PROK1: variants seen among roughly 807,000 people sequenced by gnomAD.
The protein encoded by PROK1 is prokineticin-1.
A neutral mutation model predicts 8.8 loss-of-function variants in PROK1; 10 were observed. The observed-to-expected ratio is 1.13, with a 90% CI of 0.70 to 1.92. The LOEUF (loss-of-function observed/expected upper bound fraction) is 1.92, where lower values mean the gene tolerates loss of function less well. Among genes scored for constraint, PROK1 ranks in the 30% most tolerant of loss-of-function variants. The probability of loss-of-function intolerance (pLI) is 0.00; values close to 1 mark genes in which losing one functional copy is unlikely to be tolerated. For synonymous variants in PROK1, 57 were observed against 56.0 expected (o/e 1.02, Z -0.08); for missense variants, 140 against 139.7 (o/e 1.00, Z -0.01).
chr1:110,454,391 C>T (rs1664138092), intron 2 of PROK1, among the ~76,000 whole-genome samples: 1 of 152,218 alleles, frequency 6.6e-6, no homozygotes, highest in South Asian at 2.1e-4. Context: ...TTGTACAGGG[C>T]CTGACATAAT....
intron 1 of PROK1, among the ~76,000 whole-genome samples, chr1:110,453,748 T>C (rs544060816): frequency 1.3e-5 from 2 of 152,290 alleles, no homozygotes; most frequent in South Asian, 2.1e-4. Flanking sequence ...TTTCCTCAGA[T>C]CCAGATCCAA....
At chr1:110,454,668 C>T (rs577396699) in intron 2 of PROK1, among the ~76,000 whole-genome samples, 33 of 152,342 alleles carry the variant, frequency 2.2e-4, no homozygotes, top group Non-Finnish European at 3.8e-4. Flanking sequence ...GGCTGTTAAA[C>T]AAGCTGGGCA....
chr1:110,451,909 ATCCAG>A (rs1664093324), intron 1 of PROK1, among the ~76,000 whole-genome samples: 1 of 152,204 alleles, frequency 6.6e-6, no homozygotes, highest in Non-Finnish European at 1.5e-5. Context: ...ACAAGTAGAT[ATCCAG>A]TCTCGAAGCA....
intron 1 of PROK1, among the ~76,000 whole-genome samples, chr1:110,451,525 G>A (rs1006736232): frequency 6.6e-6 from 1 of 152,194 alleles, no homozygotes; most frequent in African/African-American, 2.4e-5. Context: ...TGTTTTCAAT[G>A]TGTTAGCAGA....
At chr1:110,454,134 G>C in intron 2 of PROK1, 48 bp downstream of exon 2, 1 of 1,596,578 alleles carries the variant, frequency 6.3e-7, no homozygotes, top group South Asian at 1.1e-5. Context: ...TGGGCCATGC[G>C]GGGAGCAGAG....
rs537499735 is a variant in PROK1, at chr1:110,456,947, C to T, written c.*596C>T. The stretch of plus-strand genomic sequence containing the variant: ...GTGTAGGGAGCCCAGGGAGGCCAAT[C>T]AGCCCCCTGAAGACTCTGGTCCCAG... On this transcript the variant is annotated 3_prime_UTR_variant, in exon 3 of 3. Coordinates refer to ENST00000271331, the MANE Select transcript of PROK1 (RefSeq NM_032414.3). 6.0e-6 allele frequency: 1 copy of T among 166,042 alleles called. No homozygotes were observed. Among genetic ancestry groups the T allele is most frequent in the South Asian group, 1.6e-4 (1 of 6,260 alleles). 10.3% of individuals were successfully genotyped at this position (166,042 alleles called of 1,614,324 possible).
intron 1 of PROK1, among the ~76,000 whole-genome samples, chr1:110,453,123 G>A (rs1023154090): frequency 1.3e-5 from 2 of 152,200 alleles, no homozygotes; most frequent in African/African-American, 4.8e-5. Context: ...TTGGAGAAGA[G>A]TGATCCAAAA....
At chr1:110,455,709 A>G (rs1664161748) in intron 2 of PROK1, among the ~76,000 whole-genome samples, 1 of 152,236 alleles carries the variant, frequency 6.6e-6, no homozygotes. Context: ...TTTGCTGATT[A>G]TCACACAGCT....
chr1:110,451,404 A>G, intron 1 of PROK1, 116 bp downstream of exon 1: 1 of 868,880 alleles, frequency 1.2e-6, no homozygotes, highest in Non-Finnish European at 1.9e-6. Context: ...GTGTGAACCA[A>G]AGGGAATGGG....
At position 110,456,386 on chromosome 1, in the gene PROK1, T is replaced by G. The variant is rs375792638; in HGVS notation, c.*35T>G. 121 of 1,612,700 alleles carry G rather than the reference T, an allele frequency of 7.5e-5. No homozygotes were observed. In the African/African-American group the frequency reaches 1.5e-3, roughly 21 times the overall value. The stretch of plus-strand genomic sequence containing the variant: ...TGGTCTCAGGATACCCACCATCCTT[T>G]TCCTGAGCACAGCCTGGATTTTTAT... On this transcript the variant is annotated 3_prime_UTR_variant, in exon 3 of 3. Coordinates refer to ENST00000271331, the MANE Select transcript of PROK1 (RefSeq NM_032414.3).
chr1:110,456,159 G>T, intron 2 of PROK1, 73 bp from the exon 3 acceptor site: 1 of 1,562,894 alleles, frequency 6.4e-7, no homozygotes, highest in Admixed American at 1.7e-5. Context: ...CCAGTGCTGG[G>T]CTGAGCAGAG....
At chr1:110,454,142 G>C in intron 2 of PROK1, 56 bp downstream of exon 2, 1 of 1,592,776 alleles carries the variant, frequency 6.3e-7, no homozygotes, top group Admixed American at 1.7e-5. Flanking sequence ...GCGGGGAGCA[G>C]AGGGTGATGT....
chr1:110,453,206 C>T (rs1438340644), intron 1 of PROK1, among the ~76,000 whole-genome samples: 1 of 152,244 alleles, frequency 6.6e-6, no homozygotes, highest in Non-Finnish European at 1.5e-5. Flanking sequence ...GCTTCTTCAG[C>T]AGGTCCCCAC....
chr1:110,456,614 A>G lies in PROK1; in HGVS notation c.*263A>G, dbSNP rs1664177634. 1 of 503,122 alleles carries G rather than the reference A, an allele frequency of 2.0e-6. No individual in the cohort carries two copies. Among genetic ancestry groups the G allele is most frequent in the African/African-American group, 1.9e-5 (1 of 51,598 alleles). The allele number at this position is 503,122 out of a possible 1,614,324, so 31.2% of individuals were successfully genotyped here. A position where few individuals can be genotyped will look rare whatever the true frequency, so the allele number is the denominator to read the frequency against. On this transcript the variant is annotated 3_prime_UTR_variant, in exon 3 of 3. Coordinates refer to ENST00000271331, the MANE Select transcript of PROK1 (RefSeq NM_032414.3). ...GGTTCTCTTCCCTGCTCAGGCTGCC[A>G]GAGAGGTGGTAAATGGCAGAAAGGA... is the stretch of plus-strand genomic sequence containing the variant.
chr1:110,454,227 A>C (rs969545869), intron 2 of PROK1, 141 bp downstream of exon 2: 2 of 1,123,590 alleles, frequency 1.8e-6, no homozygotes, highest in Non-Finnish European at 2.5e-6. Flanking sequence ...CTGTGGCTCC[A>C]GAGGACTTCA....
chr1:110,453,124 T>C (rs1434190902), intron 1 of PROK1, among the ~76,000 whole-genome samples: 1 of 151,996 alleles, frequency 6.6e-6, no homozygotes, highest in African/African-American at 2.4e-5. Context: ...TGGAGAAGAG[T>C]GATCCAAAAC....
chr1:110,455,871 C>A (rs1171796756), intron 2 of PROK1, among the ~76,000 whole-genome samples: 1 of 152,192 alleles, frequency 6.6e-6, no homozygotes, highest in Non-Finnish European at 1.5e-5. Context: ...GCTGCACTTG[C>A]AGCACCCACC....
chr1:110,452,979 C>A (rs1664110775), intron 1 of PROK1, among the ~76,000 whole-genome samples: 1 of 152,066 alleles, frequency 6.6e-6, no homozygotes, highest in Admixed American at 6.6e-5. Context: ...CAGCTGGGTG[C>A]CCACCACCCG....
intron 1 of PROK1, 148 bp from the exon 2 acceptor site, chr1:110,453,813 C>T: frequency 9.6e-7 from 1 of 1,037,082 alleles, no homozygotes; most frequent in South Asian, 1.3e-5. Context: ...TAAAGTGTGG[C>T]CCAGGGTGTT....
Sources: allele counts gnomAD v4.1 joint callset (sites outside exome capture counted in the v4.1 genomes callset), GRCh38; gene constraint gnomAD v4.1.1; transcripts MANE v1.5; gene names NCBI Gene and HGNC (gene_info 2026-07-23, HGNC 2026-07-21).